The following ATRNL1 variants were observed in gnomAD, a reference collection of about 807,000 sequenced individuals.
ATRNL1 encodes the protein attractin like 1, also known as attractin-like protein 1.
Under a neutral mutation model 182.7 loss-of-function variants are expected in ATRNL1, and 95 were observed. That is an observed-to-expected ratio of 0.52 (90% CI 0.44 to 0.62). The LOEUF is 0.62. ATRNL1 is among the 20% of genes least tolerant of loss of function. The pLI, the probability that ATRNL1 is intolerant of heterozygous loss-of-function variation, is 0.00. For synonymous variants in ATRNL1, 576 were observed against 568.3 expected, an observed-to-expected ratio of 1.01 and a Z score of -0.19; for missense variants, 1,471 against 1,679.5, an observed-to-expected ratio of 0.88 and a Z score of 2.17.
chr10:115,738,420 A>C (rs1555066778), intron 27 of ATRNL1, among the ~76,000 whole-genome samples: 1 of 151,998 alleles, frequency 6.6e-6, no homozygotes, highest in Non-Finnish European at 1.5e-5. Context: ...GATTACAGGC[A>C]TGAGCTGCCA....
chr10:115,786,190 C>G (rs1021103140), intron 27 of ATRNL1, among the ~76,000 whole-genome samples: 8 of 152,132 alleles, frequency 5.3e-5, no homozygotes, highest in Non-Finnish European at 8.8e-5. Context: ...CTTCATAATT[C>G]TAGCCTCCAC....
At chr10:115,329,434 A>C (rs1364459497) in intron 18 of ATRNL1, among the ~76,000 whole-genome samples, 4 of 152,012 alleles carry the variant, frequency 2.6e-5, no homozygotes, top group African/African-American at 4.8e-5. Flanking sequence ...GTGTTTCCCC[A>C]TATATTTTCT....
At chr10:115,305,000 C>CT (rs1853656259) in intron 17 of ATRNL1, among the ~76,000 whole-genome samples, 1 of 151,700 alleles carries the variant, frequency 6.6e-6, no homozygotes, top group Non-Finnish European at 1.5e-5. Context: ...AAAATAATTT[C>CT]TTAATAACTT....
chr10:115,902,841 A>G (rs1555113801), intron 28 of ATRNL1, among the ~76,000 whole-genome samples: 5 of 152,200 alleles, frequency 3.3e-5, no homozygotes, highest in Non-Finnish European at 4.4e-5. Context: ...GCTGCAGTGG[A>G]GTCCTGTGAG....
intron 26 of ATRNL1, among the ~76,000 whole-genome samples, chr10:115,617,563 T>A (rs1258524272): frequency 6.6e-6 from 1 of 151,922 alleles, no homozygotes; most frequent in Non-Finnish European, 1.5e-5. Context: ...TTTCACCATG[T>A]TGGCCAAGAT....
intron 27 of ATRNL1, among the ~76,000 whole-genome samples, chr10:115,734,248 A>G (rs1404277636): frequency 1.3e-5 from 2 of 152,052 alleles, no homozygotes; most frequent in Non-Finnish European, 2.9e-5. Flanking sequence ...TATATTGCTT[A>G]TTTACTTTCT....
intron 13 of ATRNL1, among the ~76,000 whole-genome samples, chr10:115,277,633 A>AT (rs76641093): frequency 0.34 from 50,767 of 151,022 alleles, 9,302 homozygotes; most frequent in East Asian, 0.69. Flanking sequence ...AAATCTTTGT[A>AT]TTTTTTTTTC....
At chr10:115,572,246 A>G (rs1034864799) in intron 26 of ATRNL1, among the ~76,000 whole-genome samples, 1 of 152,184 alleles carries the variant, frequency 6.6e-6, no homozygotes, top group African/African-American at 2.4e-5. Flanking sequence ...TGGCTACAGT[A>G]TGGAGAATGG....
chr10:115,148,383 G>A (rs1554879815), intron 5 of ATRNL1, among the ~76,000 whole-genome samples: 1 of 152,120 alleles, frequency 6.6e-6, no homozygotes, highest in Non-Finnish European at 1.5e-5. Context: ...TATATCATCA[G>A]CAAAGAGTGG....
rs1446321863 is a variant in ATRNL1, at chr10:115,947,477, A to G, written c.*2698A>G. ...TTTTAAAAATTAACCTGGGGATTCT[A>G]TTTGAACTAGAAAATTCCTATTGGA... On this transcript the variant is annotated 3_prime_UTR_variant, in exon 29 of 29. Coordinates refer to ENST00000355044, the MANE Select transcript of ATRNL1 (RefSeq NM_207303.4). 1 of 152,638 alleles carries G rather than the reference A, an allele frequency of 6.6e-6. No homozygotes were observed. Among genetic ancestry groups the G allele is most frequent in the African/African-American group, 2.4e-5 (1 of 41,456 alleles). 9.5% of individuals were successfully genotyped at this position (152,638 alleles called of 1,614,324 possible).
intron 8 of ATRNL1, among the ~76,000 whole-genome samples, chr10:115,188,506 A>G (rs1258118330): frequency 6.6e-6 from 1 of 152,126 alleles, no homozygotes; most frequent in Non-Finnish European, 1.5e-5. Context: ...TACCTCATAA[A>G]CTTTCTAAGA....
At chr10:115,337,761 T>C (rs1554937160) in intron 19 of ATRNL1, among the ~76,000 whole-genome samples, 1 of 152,146 alleles carries the variant, frequency 6.6e-6, no homozygotes, top group Non-Finnish European at 1.5e-5. Context: ...ATAAAAAATA[T>C]ATACCACATT....
chr10:115,820,553 T>G (rs1377523646), intron 27 of ATRNL1: 1 of 152,152 alleles, frequency 6.6e-6, no homozygotes, highest in Admixed American at 6.6e-5. Context: ...TGTTTTTTCC[T>G]AATGAAGGCA....
intron 19 of ATRNL1, among the ~76,000 whole-genome samples, chr10:115,373,244 G>A (rs1479743996): frequency 1.3e-5 from 2 of 152,018 alleles, no homozygotes; most frequent in Non-Finnish European, 2.9e-5. Flanking sequence ...GAATTTGTTT[G>A]TTATTTCTAA....
chr10:115,462,213 A>T (rs782561602), intron 22 of ATRNL1, among the ~76,000 whole-genome samples, 178 bp downstream of exon 22: 27 of 152,036 alleles, frequency 1.8e-4, no homozygotes, highest in Non-Finnish European at 3.5e-4. Flanking sequence ...GATATTTCAG[A>T]TTTTGCAAAT....
At chr10:115,299,788 G>C (rs1336191852) in intron 15 of ATRNL1, among the ~76,000 whole-genome samples, 4 of 152,018 alleles carry the variant, frequency 2.6e-5, no homozygotes, top group African/African-American at 9.7e-5. Context: ...GTTCATGAAG[G>C]CTAAATAAAT....
At chr10:115,784,562 G>A (rs539566960) in intron 27 of ATRNL1, among the ~76,000 whole-genome samples, 10 of 152,164 alleles carry the variant, frequency 6.6e-5, no homozygotes, top group Non-Finnish European at 1.5e-4. Context: ...CAATAAAAAT[G>A]TATTCTCTCT....
chr10:115,868,822 CTTTTTTTTT>C lies in ATRNL1; in HGVS notation c.4018+20848_4018+20856del, dbSNP rs67676674. ...ATATATCTGGTGGCAAGTCTTTATT[CTTTTTTTTT>C]TTTTTTTTTTTTTTTTGAGACGGAG... is the stretch of plus-strand genomic sequence containing the variant. On this transcript the variant is annotated intron_variant, in intron 28 of 28. Coordinates refer to ENST00000355044, the MANE Select transcript of ATRNL1 (RefSeq NM_207303.4). 3.1e-3 allele frequency among the ~76,000 whole-genome samples: 182 copies of C among 58,100 alleles called. 1 individual carries two copies. Among genetic ancestry groups the C allele is most frequent in the African/African-American group, 0.01 (170 of 16,656 alleles). The allele number at this position is 58,100 out of a possible 152,430, so 38.1% of individuals were successfully genotyped here.
At chr10:115,104,202 T>G (rs189448914) in intron 1 of ATRNL1, among the ~76,000 whole-genome samples, 1 of 152,288 alleles carries the variant, frequency 6.6e-6, no homozygotes, top group Non-Finnish European at 1.5e-5. Flanking sequence ...CTTGCCAGCA[T>G]TTGTTTCTGT....
Sources: allele counts gnomAD v4.1 joint callset (sites outside exome capture counted in the v4.1 genomes callset), GRCh38; gene constraint gnomAD v4.1.1; transcripts MANE v1.5; gene names NCBI Gene and HGNC (gene_info 2026-07-23, HGNC 2026-07-21).